ITK: variants seen among roughly 807,000 people sequenced by gnomAD.
The protein encoded by ITK is IL2 inducible T cell kinase.
In ITK, 45 loss-of-function variants were observed where a neutral mutation model predicts 87.6. That is an observed-to-expected ratio of 0.51 (90% confidence interval 0.40 to 0.66). The LOEUF is 0.66. ITK is among the 30% of genes least tolerant of loss of function. ITK has a pLI of 0.00. For synonymous variants in ITK, 303 were observed against 273.6 expected, an observed-to-expected ratio of 1.11 and a Z score of -1.06; for missense variants, 605 against 766.3, an observed-to-expected ratio of 0.79 and a Z score of 2.48.
chr5:157,251,411 A>G (rs564791301), intron 16 of ITK, among the ~76,000 whole-genome samples: 2 of 152,270 alleles, frequency 1.3e-5, no homozygotes, highest in East Asian at 3.9e-4. Context: ...CCTTTATCAG[A>G]TATGTGTTTT....
At chr5:157,226,339 GA>G (rs781401818) in intron 6 of ITK, among the ~76,000 whole-genome samples, 20 of 152,230 alleles carry the variant, frequency 1.3e-4, no homozygotes, top group Non-Finnish European at 2.6e-4. Flanking sequence ...CATTTGTGTA[GA>G]TGACCCAGCT....
intron 9 of ITK, among the ~76,000 whole-genome samples, chr5:157,238,824 G>A (rs577680091): frequency 6.6e-6 from 1 of 152,306 alleles, no homozygotes; most frequent in South Asian, 2.1e-4. Flanking sequence ...CAATGCCTAA[G>A]AACCTATCTA....
rs889573145 is a variant in ITK, at chr5:157,244,341, A to T, written c.1312A>T (p.Met438Leu). The change falls in exon 13 of 17, where the codon ATG (methionine) becomes TTG (leucine). Residue 438 changes from methionine (M) to leucine (L), a missense_variant. Physicochemically the swap from Met to Leu is conservative, Grantham distance 15. Coordinates refer to ENST00000422843, the MANE Select transcript of ITK (RefSeq NM_005546.4). Reference sequence around the variant, plus strand: ...CCCCATCTGCCTGGTGTTTGAGTTCATGGAGCACGGCTGCCTGTCAGATTA... The same window carrying T: ...CCCCATCTGCCTGGTGTTTGAGTTCTTGGAGCACGGCTGCCTGTCAGATTA... ...QAPICLVFEFMEHGCLSDYLR... is the reference protein window; with the variant it reads ...QAPICLVFEFLEHGCLSDYLR... 8.7e-6 allele frequency: 14 copies of T among 1,614,000 alleles called. No homozygotes were observed. Among genetic ancestry groups the T allele is most frequent in the Non-Finnish European group, 1.2e-5 (14 of 1,180,018 alleles).
chr5:157,194,745 A>G (rs1753819744), intron 1 of ITK, among the ~76,000 whole-genome samples: 1 of 152,210 alleles, frequency 6.6e-6, no homozygotes, highest in African/African-American at 2.4e-5. Context: ...GTGTTTTAAA[A>G]TTTATGGTGG....
intron 1 of ITK, among the ~76,000 whole-genome samples, chr5:157,201,722 C>A: frequency 7.4e-6 from 1 of 134,798 alleles, no homozygotes; most frequent in South Asian, 2.4e-4. Flanking sequence ...CATTGCACAC[C>A]ACATAATTTT....
intron 15 of ITK, among the ~76,000 whole-genome samples, chr5:157,246,550 T>C (rs1755022884): frequency 6.6e-6 from 1 of 151,968 alleles, no homozygotes; most frequent in Non-Finnish European, 1.5e-5. Flanking sequence ...ATAATAATAA[T>C]AAACAAGCTA....
chr5:157,217,790 C>T (rs748726501), intron 4 of ITK, 77 bp from the exon 5 acceptor site: 5 of 1,319,902 alleles, frequency 3.8e-6, no homozygotes, highest in South Asian at 2.4e-5. Flanking sequence ...CTCAGAAAAA[C>T]CCCCTGGCTG....
intron 1 of ITK, among the ~76,000 whole-genome samples, chr5:157,190,315 T>G (rs1263759198): frequency 2.0e-5 from 3 of 152,156 alleles, no homozygotes; most frequent in Non-Finnish European, 4.4e-5. Context: ...TTTATTATGA[T>G]TATTATTGGT....
chr5:157,249,739 C>T (rs910045019), intron 16 of ITK, among the ~76,000 whole-genome samples: 4 of 152,094 alleles, frequency 2.6e-5, no homozygotes, highest in Non-Finnish European at 4.4e-5. Context: ...CTTTTTCTTA[C>T]TGTTAAGAGA....
intron 4 of ITK, among the ~76,000 whole-genome samples, chr5:157,216,577 T>C (rs1459166149): frequency 6.6e-6 from 1 of 151,868 alleles, no homozygotes; most frequent in Non-Finnish European, 1.5e-5. Context: ...ACCCAACCCA[T>C]AGTAACACCC....
chr5:157,186,342 T>A (rs1753642071), intron 1 of ITK, among the ~76,000 whole-genome samples: 1 of 150,648 alleles, frequency 6.6e-6, no homozygotes, highest in African/African-American at 2.5e-5. Flanking sequence ...CTTTATTCAC[T>A]TCAAGAAGCC....
In ITK at chr5:157,253,666, T is replaced by G; in HGVS notation, c.*988T>G. On this transcript the variant is annotated 3_prime_UTR_variant, in exon 17 of 17. Coordinates refer to ENST00000422843, the MANE Select transcript of ITK (RefSeq NM_005546.4). ...TCCTCATCAACAGAGGGCAGCATTG[T>G]GTTGGTCAATGTTCCCTTGGCGAGC... 4.4e-6 allele frequency: 1 copy of G among 225,762 alleles called. No homozygotes were observed. Among genetic ancestry groups the G allele is most frequent in the Non-Finnish European group, 8.8e-6 (1 of 113,328 alleles). 14.0% of individuals were successfully genotyped at this position (225,762 alleles called of 1,614,324 possible). A position where few individuals can be genotyped will look rare whatever the true frequency, so the allele number is the denominator to read the frequency against.
At chr5:157,235,131 A>G (rs1754751863) in intron 8 of ITK, among the ~76,000 whole-genome samples, 1 of 152,174 alleles carries the variant, frequency 6.6e-6, no homozygotes, top group South Asian at 2.1e-4. Context: ...GAATACACTG[A>G]AGGCTTAATA....
intron 4 of ITK, among the ~76,000 whole-genome samples, chr5:157,214,921 A>T (rs915714394): frequency 2.6e-5 from 4 of 152,176 alleles, no homozygotes; most frequent in African/African-American, 9.7e-5. Flanking sequence ...AGAAGGCCGC[A>T]GTCTAAATGC....
At chr5:157,215,737 T>C (rs1754285528) in intron 4 of ITK, among the ~76,000 whole-genome samples, 1 of 152,200 alleles carries the variant, frequency 6.6e-6, no homozygotes, top group Non-Finnish European at 1.5e-5. Flanking sequence ...AGGGCCCCAA[T>C]GTCCTCATCT....
At chr5:157,241,371 A>G (rs1561663704) in intron 10 of ITK, 1 of 188,200 alleles carries the variant, frequency 5.3e-6, no homozygotes, top group Non-Finnish European at 1.1e-5. Flanking sequence ...AAATAAATAT[A>G]CAAATAGAAA....
chr5:157,246,407 T>C (rs1001901977), intron 15 of ITK, among the ~76,000 whole-genome samples: 7 of 152,200 alleles, frequency 4.6e-5, no homozygotes, highest in Non-Finnish European at 8.8e-5. Flanking sequence ...ATCTATTCTA[T>C]GCCAAGGGCT....
At chr5:157,192,145 T>C (rs1753765587) in intron 1 of ITK, among the ~76,000 whole-genome samples, 1 of 152,210 alleles carries the variant, frequency 6.6e-6, no homozygotes, top group African/African-American at 2.4e-5. Context: ...ATACGTGATC[T>C]TTTATACATA....
chr5:157,221,695 C>G (rs1256639124), intron 5 of ITK, among the ~76,000 whole-genome samples: 1 of 152,166 alleles, frequency 6.6e-6, no homozygotes, highest in Non-Finnish European at 1.5e-5. Context: ...ATGAGTTGAC[C>G]TGCAGTGGGA....
Sources: allele counts gnomAD v4.1 joint callset (sites outside exome capture counted in the v4.1 genomes callset), GRCh38; gene constraint gnomAD v4.1.1; transcripts MANE v1.5; gene names NCBI Gene and HGNC (gene_info 2026-07-23, HGNC 2026-07-21).